The following CCDC102B variants were observed in gnomAD, a reference collection of about 807,000 sequenced individuals.
CCDC102B encodes the protein coiled-coil domain-containing protein 102B.
In CCDC102B, 75 loss-of-function variants were observed where a neutral mutation model predicts 57.4. The observed-to-expected ratio is 1.31, with a 90% CI of 1.08 to 1.58. The LOEUF is 1.58. Among genes scored for constraint, CCDC102B ranks in the 40% most tolerant of loss-of-function variants. The pLI is 0.00. For synonymous variants in CCDC102B, 206 were observed against 201.9 expected, an observed-to-expected ratio of 1.02 and a Z score of -0.17; for missense variants, 636 against 582.6, an observed-to-expected ratio of 1.09 and a Z score of -0.94.
chr18:68,752,216 C>T (rs144861402), intron 2 of CCDC102B, among the ~76,000 whole-genome samples: 1,981 of 151,950 alleles, frequency 0.013, 39 homozygotes, highest in African/African-American at 0.045. Flanking sequence ...GCCAAGATCG[C>T]GCCACTGCAC....
chr18:68,834,705 T>C (rs941791662), intron 1 of CCDC102B, among the ~76,000 whole-genome samples: 1 of 151,728 alleles, frequency 6.6e-6, no homozygotes, highest in Non-Finnish European at 1.5e-5. Flanking sequence ...ATATAACACT[T>C]GTTAAAATGT....
chr18:68,843,386 AT>A (rs1211754262), intron 3 of CCDC102B, among the ~76,000 whole-genome samples: 1 of 152,162 alleles, frequency 6.6e-6, no homozygotes, highest in African/African-American at 2.4e-5. Context: ...TTCAACAATG[AT>A]TAATATTTAT....
chr18:68,973,579 A>C (rs2050354803), intron 6 of CCDC102B, among the ~76,000 whole-genome samples: 1 of 152,118 alleles, frequency 6.6e-6, no homozygotes, highest in Admixed American at 6.6e-5. Context: ...TTTTTCTTAT[A>C]AAACATCATT....
At chr18:69,011,755 A>G (rs1460203510) in intron 7 of CCDC102B, among the ~76,000 whole-genome samples, 1 of 151,974 alleles carries the variant, frequency 6.6e-6, no homozygotes, top group Non-Finnish European at 1.5e-5. Flanking sequence ...GCATTCTTTC[A>G]GGTGGTTTTC....
chr18:68,790,535 G>T (rs112392075), intron 2 of CCDC102B, among the ~76,000 whole-genome samples: 1 of 152,076 alleles, frequency 6.6e-6, no homozygotes, highest in Non-Finnish European at 1.5e-5. Context: ...CTCGTGGTGC[G>T]CCGTTTTTCA....
chr18:68,729,481 G>C (rs1020612546), intron 2 of CCDC102B, among the ~76,000 whole-genome samples: 3 of 152,204 alleles, frequency 2.0e-5, no homozygotes, highest in Non-Finnish European at 4.4e-5. Context: ...CTGACCAGTG[G>C]AATACAATAG....
intron 4 of CCDC102B, among the ~76,000 whole-genome samples, chr18:68,869,043 T>C (rs2144911124): frequency 6.6e-6 from 1 of 152,216 alleles, no homozygotes; most frequent in East Asian, 1.9e-4. Context: ...TAAAGATTTC[T>C]GACCTTATCA....
chr18:69,017,124 G>A (rs1445571183), intron 7 of CCDC102B, among the ~76,000 whole-genome samples: 1 of 151,772 alleles, frequency 6.6e-6, no homozygotes. Context: ...TTACTTATTT[G>A]TTTATTTTTG....
chr18:69,001,548 T>A (rs2051201541), intron 6 of CCDC102B, among the ~76,000 whole-genome samples: 1 of 151,104 alleles, frequency 6.6e-6, no homozygotes, highest in Non-Finnish European at 1.5e-5. Context: ...GGTAGTGTGC[T>A]TCCCACATCA....
At chr18:68,924,732 A>G (rs187389110) in intron 6 of CCDC102B, among the ~76,000 whole-genome samples, 48 of 152,164 alleles carry the variant, frequency 3.2e-4, no homozygotes, top group Non-Finnish European at 5.9e-4. Flanking sequence ...ATGGACTCCC[A>G]CCGTCTGCAC....
At chr18:68,741,902 A>G (rs1467627226) in intron 2 of CCDC102B, among the ~76,000 whole-genome samples, 1 of 152,118 alleles carries the variant, frequency 6.6e-6, no homozygotes, top group African/African-American at 2.4e-5. Flanking sequence ...TCCCACTGAC[A>G]CCAAAGGAGG....
chr18:68,981,316 G>A (rs1306097879), intron 6 of CCDC102B, among the ~76,000 whole-genome samples: 1 of 151,956 alleles, frequency 6.6e-6, no homozygotes, highest in Non-Finnish European at 1.5e-5. Flanking sequence ...AAGAGACTTG[G>A]GAATAAATCT....
At chr18:68,773,200 G>A (rs1420510013) in intron 2 of CCDC102B, among the ~76,000 whole-genome samples, 1 of 151,852 alleles carries the variant, frequency 6.6e-6, no homozygotes, top group Non-Finnish European at 1.5e-5. Context: ...CAAAAGAATC[G>A]GATTGAGTTC....
chr18:69,004,387 A>G (rs960190147), intron 6 of CCDC102B, among the ~76,000 whole-genome samples: 3 of 152,160 alleles, frequency 2.0e-5, no homozygotes, highest in Admixed American at 6.6e-5. Flanking sequence ...ACCTGTCCCA[A>G]GTTGGGCTAG....
chr18:68,780,031 C>T (rs189647315), intron 2 of CCDC102B, among the ~76,000 whole-genome samples: 1 of 152,198 alleles, frequency 6.6e-6, no homozygotes, highest in East Asian at 1.9e-4. Flanking sequence ...CTCTCGCTAT[C>T]CTCAACTGTA....
At chr18:68,851,445 C>G (rs1214889751) in intron 4 of CCDC102B, among the ~76,000 whole-genome samples, 1 of 152,118 alleles carries the variant, frequency 6.6e-6, no homozygotes, top group Non-Finnish European at 1.5e-5. Context: ...TGGGATACCA[C>G]TTTGCTGATA....
intron 6 of CCDC102B, among the ~76,000 whole-genome samples, chr18:68,971,563 A>G (rs957130203): frequency 1.3e-4 from 20 of 152,166 alleles, no homozygotes; most frequent in African/African-American, 4.8e-4. Context: ...CCAATAATTA[A>G]TCTGCCCCTT....
chr18:68,863,290 G>A (rs1038767045), intron 4 of CCDC102B, among the ~76,000 whole-genome samples: 1 of 151,674 alleles, frequency 6.6e-6, no homozygotes, highest in Non-Finnish European at 1.5e-5. Flanking sequence ...GCCCTATACT[G>A]TAGTATTGTT....
At chr18:68,981,831 A>G (rs1419237600) in intron 6 of CCDC102B, among the ~76,000 whole-genome samples, 1 of 151,996 alleles carries the variant, frequency 6.6e-6, no homozygotes, top group African/African-American at 2.4e-5. Context: ...ATGAGTGACA[A>G]CAGGCGGTGT....
Sources: gnomAD v4.1 joint callset for allele counts (sites outside exome capture counted in the v4.1 genomes callset) on GRCh38, gnomAD v4.1.1 for gene constraint, MANE v1.5 for transcripts, NCBI Gene and HGNC (gene_info 2026-07-23, HGNC 2026-07-21) for gene names.